The following CACNA1I variants were observed in gnomAD, a reference collection of about 807,000 sequenced individuals.
CACNA1I encodes calcium voltage-gated channel subunit alpha1 I.
A neutral mutation model predicts 201.6 loss-of-function variants in CACNA1I; 74 were observed. The ratio of observed to expected loss-of-function variants is 0.37; its 90% CI spans 0.30 to 0.45. CACNA1I has a LOEUF of 0.45. CACNA1I is among the 20% of genes least tolerant of loss of function. The pLI, the probability that CACNA1I is intolerant of heterozygous loss-of-function variation, is 1.00. For missense variants in CACNA1I, 2,346 were observed against 3,138.1 expected, an observed-to-expected ratio of 0.75 and a Z score of 6.03; for synonymous variants, 1,431 against 1,345.2, an observed-to-expected ratio of 1.06 and a Z score of -1.40.
At chr22:39,650,406 C>G (rs1178480080) in intron 10 of CACNA1I, among the ~76,000 whole-genome samples, 1 of 152,230 alleles carries the variant, frequency 6.6e-6, no homozygotes, top group Non-Finnish European at 1.5e-5. Context: ...CCCTCTTCAG[C>G]CTCCCAAGTA....
chr22:39,684,565 G>A lies in CACNA1I; in HGVS notation c.6027+67G>A, dbSNP rs1935801903. ...AAGGGGCAGGATCTAAGCCAGGCCT[G>A]GAAGTCCAAGGGACTGGGAGGGGAA... On this transcript the variant is annotated intron_variant, in intron 36 of 36. Coordinates refer to ENST00000402142, the MANE Select transcript of CACNA1I (RefSeq NM_021096.4). The surrounding 1 kb of genome is among the most constrained non-coding windows in gnomAD (Gnocchi z 4.6). The A allele has an allele frequency of 6.6e-7, 1 of 1,523,076 alleles. No homozygotes were observed. The highest frequency in any genetic ancestry group is 1.4e-5 in the African/African-American group (1 of 72,842). 94.3% of individuals were successfully genotyped at this position (1,523,076 alleles called of 1,614,324 possible).
At chr22:39,586,390 G>A (rs6001627) in intron 1 of CACNA1I, among the ~76,000 whole-genome samples, 1 of 152,194 alleles carries the variant, frequency 6.6e-6, no homozygotes, top group Non-Finnish European at 1.5e-5. Flanking sequence ...CACTTGGGAA[G>A]TGGAGGCAGG....
chr22:39,584,518 G>C (rs764912368), intron 1 of CACNA1I, among the ~76,000 whole-genome samples: 3 of 152,180 alleles, frequency 2.0e-5, no homozygotes, highest in Non-Finnish European at 4.4e-5. Context: ...CATTTAGGCT[G>C]TGGAAGTGGA....
chr22:39,576,548 C>T (rs1328596092), intron 1 of CACNA1I, among the ~76,000 whole-genome samples: 3 of 152,220 alleles, frequency 2.0e-5, no homozygotes, highest in Non-Finnish European at 4.4e-5. Flanking sequence ...AGAGGAGCTT[C>T]CCGTTTCCAG....
Position 39,600,610 on chromosome 22 carries a change from G to C in CACNA1I, c.439G>C (p.Gly147Arg). 1 of 1,609,506 alleles carries C rather than the reference G, an allele frequency of 6.2e-7. No homozygotes were observed. Among genetic ancestry groups the C allele is most frequent in the Non-Finnish European group, 8.5e-7 (1 of 1,178,124 alleles). The stretch of plus-strand genomic sequence containing the variant: ...GATTTTTGGCAAGAAGTGCTACCTC[G>C]GGGACACATGGAACCGCCTGGATTT... ...LGIFGKKCYL[G>R]DTWNRLDFFI... Residue 147 changes from glycine to arginine, a missense_variant, in exon 3 of 37, where the codon GGG (glycine) becomes CGG (arginine). By Grantham distance (125) the Gly-to-Arg change is moderately radical. This residue lies in a region of CACNA1I where 227 missense variants were observed against 412.5 expected (regional missense o/e 0.55). Coordinates refer to ENST00000402142, the MANE Select transcript of CACNA1I (RefSeq NM_021096.4).
intron 2 of CACNA1I, among the ~76,000 whole-genome samples, chr22:39,599,931 C>A (rs1446517383): frequency 6.6e-6 from 1 of 152,218 alleles, no homozygotes; most frequent in Non-Finnish European, 1.5e-5. Context: ...AATCTCATAG[C>A]CTCCTTTGTG....
At chr22:39,590,509 C>T (rs1932808872) in intron 1 of CACNA1I, among the ~76,000 whole-genome samples, 2 of 152,254 alleles carry the variant, frequency 1.3e-5, no homozygotes, top group Admixed American at 1.3e-4. Context: ...TTCCCTCTGC[C>T]TGGCTGGGAG....
Position 39,665,985 on chromosome 22 carries a change from C to A in CACNA1I, c.4083C>A (p.Tyr1361Ter). The change falls in exon 23 of 37, where the codon TAC becomes TAA. Residue 1361 changes from tyrosine to a stop codon, truncating the protein, a stop_gained. Transcript: ENST00000402142. LOFTEE classifies it high-confidence loss of function. The surrounding 1 kb of genome is among the most constrained non-coding windows in gnomAD (Gnocchi z 5.5). ...ACTACCGCTGGGTCCATCACAAATACAACTTCGACAACCTGGGCCAGGTGA... is the reference window on the plus strand; with the variant it reads ...ACTACCGCTGGGTCCATCACAAATAAAACTTCGACAACCTGGGCCAGGTGA... Reference protein sequence around the residue: ...AANYRWVHHKYNFDNLGQALM... With the variant: ...AANYRWVHHK 6.2e-7 allele frequency: 1 copy of A among 1,613,766 alleles called. No individual in the cohort carries two copies. The highest frequency in any genetic ancestry group is 8.5e-7 in the Non-Finnish European group (1 of 1,179,868).
chr22:39,607,903 G>GGC (rs1933266822), intron 3 of CACNA1I, among the ~76,000 whole-genome samples: 1 of 150,982 alleles, frequency 6.6e-6, no homozygotes, highest in South Asian at 2.1e-4. Flanking sequence ...GGCGGGGGGG[G>GGC]GTCACCTGAG....
rs1292613749 is a variant in CACNA1I at position 39,659,031 on chromosome 22, C to T, written c.2245C>T (p.Arg749Trp). The change falls in exon 12 of 37, where the codon CGG (arginine) becomes TGG (tryptophan). Residue 749 changes from arginine (R) to tryptophan (W), a missense_variant. Coordinates refer to ENST00000402142, the MANE Select transcript of CACNA1I (RefSeq NM_021096.4). This position sits in a 1 kb window ranked among gnomAD's most constrained non-coding sequence, Gnocchi z 4.3. ...LKLVRFMPAL[R>W]RQLVVLMKTM... ...ACTGGTGCGCTTCATGCCTGCCCTG[C>T]GGCGCCAGCTCGTGGTGCTCATGAA... 3.7e-6 allele frequency: 6 copies of T among 1,612,872 alleles called. No individual in the cohort carries two copies. The highest frequency in any genetic ancestry group is 4.2e-6 in the Non-Finnish European group (5 of 1,179,652).
At chr22:39,630,295 C>T (rs918281480) in intron 4 of CACNA1I, among the ~76,000 whole-genome samples, 1 of 152,250 alleles carries the variant, frequency 6.6e-6, no homozygotes, top group Non-Finnish European at 1.5e-5. Context: ...CGAACGAGGA[C>T]GTGACCTTGT....
intron 1 of CACNA1I, among the ~76,000 whole-genome samples, chr22:39,586,403 A>G (rs1373245180): frequency 6.6e-6 from 1 of 152,132 alleles, no homozygotes; most frequent in Non-Finnish European, 1.5e-5. Context: ...GAGGCAGGAG[A>G]ATCACTTGAA....
At chr22:39,591,437 C>G (rs1432288489) in intron 1 of CACNA1I, among the ~76,000 whole-genome samples, 1 of 152,044 alleles carries the variant, frequency 6.6e-6, no homozygotes, top group African/African-American at 2.4e-5. Context: ...GCTGGGATTA[C>G]AGATGTGAGC....
Position 39,662,189 on chromosome 22 carries a change from C to T in CACNA1I, c.3126C>T (p.His1042=), listed in dbSNP as rs1170958879. ...LHTPHAHHIH[H]GPHLAHRHRH... The stretch of plus-strand genomic sequence containing the variant: ...CCCCACACGCCCACCACATTCATCA[C>T]GGGCCCCATCTGGCGCACCGCCACC... The change falls in exon 17 of 37, where the codon CAC becomes CAT. Residue 1042 remains histidine (H), a synonymous_variant. Coordinates refer to ENST00000402142, the MANE Select transcript of CACNA1I (RefSeq NM_021096.4). 5.2e-6 allele frequency: 8 copies of T among 1,528,934 alleles called. No homozygotes were observed. Among genetic ancestry groups the T allele is most frequent in the South Asian group, 1.2e-5 (1 of 82,258 alleles). 94.7% of individuals were successfully genotyped at this position (1,528,934 alleles called of 1,614,324 possible). A position where few individuals can be genotyped will look rare whatever the true frequency, so the allele number is the denominator to read the frequency against.
At chr22:39,633,088 C>T (rs752731359) in intron 4 of CACNA1I, among the ~76,000 whole-genome samples, 15 of 152,078 alleles carry the variant, frequency 9.9e-5, no homozygotes, top group Non-Finnish European at 1.8e-4. Flanking sequence ...CCCTAGCATA[C>T]ACAACCATCT....
chr22:39,604,305 C>T (rs1933147827), intron 3 of CACNA1I, among the ~76,000 whole-genome samples: 1 of 152,120 alleles, frequency 6.6e-6, no homozygotes, highest in Admixed American at 6.6e-5. Flanking sequence ...CTAGCTTCAG[C>T]ATTGTGGTGA....
chr22:39,600,692 C>T, intron 3 of CACNA1I, 39 bp downstream of exon 3: 12 of 1,547,190 alleles, frequency 7.8e-6, no homozygotes, highest in Non-Finnish European at 1.0e-5. Context: ...GCCTCTGGTG[C>T]ACACCAGGCA....
intron 1 of CACNA1I, among the ~76,000 whole-genome samples, chr22:39,594,324 G>A (rs930655345): frequency 5.3e-5 from 8 of 152,174 alleles, no homozygotes; most frequent in Non-Finnish European, 1.0e-4. Flanking sequence ...GGGGCAGAGG[G>A]AGCAGAGGAT....
chr22:39,677,768 C>T lies in CACNA1I; in HGVS notation c.4934-219C>T, dbSNP rs1332719418. Among the ~76,000 whole-genome samples the T allele has an allele frequency of 6.6e-6, 1 of 152,216 alleles. No homozygotes were observed. Among genetic ancestry groups the T allele is most frequent in the Non-Finnish European group, 1.5e-5 (1 of 68,028 alleles). On this transcript the variant is annotated intron_variant, in intron 30 of 36. Transcript: ENST00000402142. The surrounding 1 kb of genome is among the most constrained non-coding windows in gnomAD (Gnocchi z 4.8). ...CCCATTTCACCCTCTTTCTCAGAAA[C>T]CCATTCTTCGGCGGGGAGCAGAGCC...
Sources: allele counts gnomAD v4.1 joint callset (sites outside exome capture counted in the v4.1 genomes callset), GRCh38; gene constraint gnomAD v4.1.1; regional missense constraint gnomAD v4.1.1; non-coding constraint Gnocchi (gnomAD v3.1); transcripts MANE v1.5; gene names NCBI Gene and HGNC (gene_info 2026-07-23, HGNC 2026-07-21).